Variants in WDFY3 observed in about 807,000 individuals in gnomAD.
WDFY3 encodes WD repeat and FYVE domain containing 3, also known as WD repeat and FYVE domain-containing protein 3.
WDFY3 carries 66 observed loss-of-function variants against 409.6 expected under a neutral mutation model. That is an observed-to-expected ratio of 0.16 (90% CI 0.13 to 0.20). WDFY3 has a LOEUF of 0.20. Among genes scored for constraint, WDFY3 ranks in the 10% least tolerant of loss-of-function variants. The pLI is 1.00. For missense variants in WDFY3, 3,031 were observed against 4,298.1 expected, an observed-to-expected ratio of 0.71 and a Z score of 8.24; for synonymous variants, 1,521 against 1,537.1, an observed-to-expected ratio of 0.99 and a Z score of 0.25.
chr4:84,737,236 T>C lies in WDFY3; in HGVS notation c.6705A>G (p.Thr2235=). Residue 2235 remains threonine, a synonymous_variant, in exon 41 of 68, where the codon ACA becomes ACG. Transcript: ENST00000295888. The stretch of plus-strand genomic sequence containing the variant: ...CAGCTTCTTCAATGAGTGGCCTTGC[T>C]GTAGCTATGTCCACGTGGCCCCTTT... ...VNERGHVDIA[T]ARPLIEEAAL... is the part of the protein sequence containing the mutation. 6.2e-7 allele frequency: 1 copy of C among 1,614,176 alleles called. No homozygotes were observed. The highest frequency in any genetic ancestry group is 8.5e-7 in the Non-Finnish European group (1 of 1,180,028).
chr4:84,899,189 C>T (rs1766026291), intron 2 of WDFY3, among the ~76,000 whole-genome samples: 1 of 152,152 alleles, frequency 6.6e-6, no homozygotes, highest in Non-Finnish European at 1.5e-5. Flanking sequence ...TGCATCTTAA[C>T]TAATTCAAAC....
At chr4:84,865,196 T>C (rs1423890113) in intron 3 of WDFY3, among the ~76,000 whole-genome samples, 1 of 152,196 alleles carries the variant, frequency 6.6e-6, no homozygotes, top group East Asian at 1.9e-4. Context: ...GCCTCAACTT[T>C]CATTTTAATT....
chr4:84,946,995 T>G (rs972326031), intron 1 of WDFY3, among the ~76,000 whole-genome samples: 2 of 151,106 alleles, frequency 1.3e-5, no homozygotes, highest in African/African-American at 4.8e-5. Flanking sequence ...TTTTAGTAGA[T>G]ACGGAGTTTC....
intron 4 of WDFY3, among the ~76,000 whole-genome samples, chr4:84,859,066 T>G (rs564706794): frequency 6.7e-6 from 1 of 149,372 alleles, no homozygotes; most frequent in African/African-American, 2.5e-5. Context: ...AGAGAAGATG[T>G]GGGAGGGACA....
intron 47 of WDFY3, among the ~76,000 whole-genome samples, chr4:84,720,540 T>C (rs1734687412): frequency 6.6e-6 from 1 of 152,112 alleles, no homozygotes; most frequent in Admixed American, 6.5e-5. Flanking sequence ...GGGTGGGCCC[T>C]TCATGAATGG....
chr4:84,943,292 G>C (rs568886534), intron 1 of WDFY3, among the ~76,000 whole-genome samples: 54 of 152,210 alleles, frequency 3.5e-4, no homozygotes, highest in African/African-American at 1.3e-3. Context: ...ACAAGGTCAG[G>C]AGATCGAGAC....
chr4:84,862,740 C>T (rs1216481970), intron 3 of WDFY3, among the ~76,000 whole-genome samples: 2 of 152,092 alleles, frequency 1.3e-5, no homozygotes, highest in Non-Finnish European at 2.9e-5. Context: ...GTAATCCCAG[C>T]ACTTTGGGAG....
At chr4:84,852,802 G>A (rs1024892635) in intron 4 of WDFY3, among the ~76,000 whole-genome samples, 2 of 151,602 alleles carry the variant, frequency 1.3e-5, no homozygotes, top group Non-Finnish European at 2.9e-5. Flanking sequence ...CTGTCATTCA[G>A]GCTGGAGTGC....
At chr4:84,710,897 T>A (rs891613273) in intron 51 of WDFY3, among the ~76,000 whole-genome samples, 1 of 152,194 alleles carries the variant, frequency 6.6e-6, no homozygotes, top group Non-Finnish European at 1.5e-5. Context: ...CACATATGAT[T>A]AGGAGCAGAA....
At chr4:84,817,028 A>C (rs1753399632) in intron 13 of WDFY3, among the ~76,000 whole-genome samples, 1 of 152,186 alleles carries the variant, frequency 6.6e-6, no homozygotes, top group Admixed American at 6.5e-5. Context: ...ATATGCATGC[A>C]TGTGTATAAA....
chr4:84,892,023 A>ATT (rs200646761), intron 3 of WDFY3, among the ~76,000 whole-genome samples: 201 of 135,838 alleles, frequency 1.5e-3, no homozygotes, highest in African/African-American at 4.4e-3. Flanking sequence ...ATGGCCTTCA[A>ATT]TTTTTTTTTT....
chr4:84,763,116 A>T (rs192967556), intron 32 of WDFY3, among the ~76,000 whole-genome samples: 5,827 of 152,238 alleles, frequency 0.038, 332 homozygotes, highest in African/African-American at 0.13. Flanking sequence ...CCCTATAATT[A>T]ATCTTAAGGA....
At chr4:84,924,774 T>G (rs1167388707) in intron 2 of WDFY3, among the ~76,000 whole-genome samples, 1 of 152,170 alleles carries the variant, frequency 6.6e-6, no homozygotes, top group Non-Finnish European at 1.5e-5. Flanking sequence ...GGTATGAACA[T>G]CATTTAAAAC....
chr4:84,881,695 C>T (rs957922978), intron 3 of WDFY3, among the ~76,000 whole-genome samples: 9 of 151,472 alleles, frequency 5.9e-5, no homozygotes, highest in Non-Finnish European at 7.4e-5. Context: ...GAGACCAGCC[C>T]GGGAAACATA....
chr4:84,669,884 T>C lies in WDFY3; in HGVS notation c.*2984A>G, dbSNP rs779228271. On this transcript the variant is annotated 3_prime_UTR_variant, in exon 68 of 68. Coordinates refer to ENST00000295888, the MANE Select transcript of WDFY3 (RefSeq NM_014991.6). ...TTAATAACAGGACAAAAAATATACA[T>C]TGCACTGACACAAAAAGTCAGCTGT... 35 of 152,412 alleles carry C rather than the reference T, an allele frequency of 2.3e-4. No homozygotes were observed. Among genetic ancestry groups the C allele is most frequent in the Middle Eastern group, 3.2e-3 (1 of 316 alleles). 9.4% of individuals were successfully genotyped at this position (152,412 alleles called of 1,614,324 possible). A position where few individuals can be genotyped will look rare whatever the true frequency, so the allele number is the denominator to read the frequency against.
At chr4:84,930,313 A>G (rs1184629055) in intron 2 of WDFY3, among the ~76,000 whole-genome samples, 1 of 152,220 alleles carries the variant, frequency 6.6e-6, no homozygotes, top group Admixed American at 6.5e-5. Context: ...TTAGGACCAC[A>G]GATATTTTAG....
At chr4:84,742,723 C>T (rs138222612) in intron 37 of WDFY3, among the ~76,000 whole-genome samples, 7 of 152,210 alleles carry the variant, frequency 4.6e-5, no homozygotes, top group African/African-American at 1.4e-4. Flanking sequence ...ACAGTCCTTC[C>T]GAGAATCAAA....
At chr4:84,701,235 T>C (rs2148927782) in intron 56 of WDFY3, among the ~76,000 whole-genome samples, 1 of 152,336 alleles carries the variant, frequency 6.6e-6, no homozygotes, top group Middle Eastern at 3.4e-3. Context: ...AGTCCTAAAG[T>C]TGTGTCTTTA....
chr4:84,919,933 C>A (rs564917607), intron 2 of WDFY3, among the ~76,000 whole-genome samples: 2 of 152,132 alleles, frequency 1.3e-5, no homozygotes, highest in Non-Finnish European at 2.9e-5. Context: ...GCAGAACAGT[C>A]AGTACCTATA....
Sources: gnomAD v4.1 joint callset for allele counts (sites outside exome capture counted in the v4.1 genomes callset) on GRCh38, gnomAD v4.1.1 for gene constraint, MANE v1.5 for transcripts, NCBI Gene and HGNC (gene_info 2026-07-23, HGNC 2026-07-21) for gene names.